The following TNKS variants were observed in gnomAD, a reference collection of about 807,000 sequenced individuals.
TNKS encodes the protein tankyrase.
TNKS carries 72 observed loss-of-function variants against 135.8 expected under a neutral mutation model. The ratio of observed to expected loss-of-function variants is 0.53; its 90% CI spans 0.44 to 0.64. The LOEUF (loss-of-function observed/expected upper bound fraction) is 0.64. Among genes scored for constraint, TNKS ranks in the 30% least tolerant of loss-of-function variants. The pLI is 0.00. For missense variants in TNKS, 1,769 were observed against 1,674.0 expected (o/e 1.06, Z -0.99); for synonymous variants, 849 against 649.3 (o/e 1.31, Z -4.68).
chr8:9,667,425 T>A (rs1237634677), intron 3 of TNKS, among the ~76,000 whole-genome samples: 1 of 152,242 alleles, frequency 6.6e-6, no homozygotes, highest in Non-Finnish European at 1.5e-5. Context: ...GCTTGGCCCC[T>A]GGATGCGTAA....
chr8:9,693,236 G>A (rs575497181), intron 5 of TNKS, among the ~76,000 whole-genome samples: 119 of 152,262 alleles, frequency 7.8e-4, no homozygotes, highest in Admixed American at 2.2e-3. Context: ...ATACTGTACA[G>A]CTCTTACAAA....
chr8:9,695,623 C>G (rs766755223), intron 5 of TNKS, among the ~76,000 whole-genome samples: 4 of 152,164 alleles, frequency 2.6e-5, no homozygotes, highest in Admixed American at 6.5e-5. Flanking sequence ...CAGGATTACT[C>G]TGCTGTCATG....
intron 3 of TNKS, among the ~76,000 whole-genome samples, chr8:9,653,997 AT>A (rs968591340): frequency 2.6e-5 from 4 of 152,188 alleles, no homozygotes; most frequent in Non-Finnish European, 2.9e-5. Flanking sequence ...GAATATGGCC[AT>A]TAGCAGCTCT....
intron 16 of TNKS, 134 bp downstream of exon 16, chr8:9,735,218 T>A: frequency 1.8e-6 from 2 of 1,117,278 alleles, no homozygotes; most frequent in Non-Finnish European, 2.5e-6. Context: ...TAGTTTTGTA[T>A]AATTTCTTAT....
intron 3 of TNKS, among the ~76,000 whole-genome samples, chr8:9,649,837 T>C (rs1801071256): frequency 6.6e-6 from 1 of 151,870 alleles, no homozygotes; most frequent in Non-Finnish European, 1.5e-5. Flanking sequence ...TAGTATTCCA[T>C]GGTGTATATA....
At chr8:9,758,327 T>A (rs1266776192) in intron 20 of TNKS, among the ~76,000 whole-genome samples, 3 of 152,182 alleles carry the variant, frequency 2.0e-5, no homozygotes, top group Non-Finnish European at 2.9e-5. Context: ...CCTTTTTGTT[T>A]TTTTTAGATT....
chr8:9,574,248 G>T lies in TNKS; in HGVS notation c.674-5911G>T, dbSNP rs549024547. Among the ~76,000 whole-genome samples the T allele has an allele frequency of 2.6e-5, 4 of 152,270 alleles. No homozygotes were observed. In the East Asian group the frequency reaches 7.7e-4, roughly 29 times the overall value. On this transcript the variant is annotated intron_variant, in intron 1 of 26. Transcript: ENST00000310430. ...CATTATATTACTTGATATAGTTGTT[G>T]CAGAAAAGCAGTTCATCGGGGTACA...
chr8:9,586,722 C>CGTGTGTGTGTGTGT (rs5889287), intron 2 of TNKS, among the ~76,000 whole-genome samples: 38 of 143,298 alleles, frequency 2.7e-4, no homozygotes, highest in African/African-American at 9.4e-4. Context: ...ATATCTAAAA[C>CGTGTGTGTGTGTGT]GTGTGTGTGT....
intron 2 of TNKS, among the ~76,000 whole-genome samples, chr8:9,585,254 A>C (rs1035771477): frequency 1.3e-5 from 2 of 152,174 alleles, no homozygotes; most frequent in South Asian, 4.1e-4. Flanking sequence ...ACAGAGACAA[A>C]TGTTGAAACA....
At chr8:9,617,786 C>G (rs963936612) in intron 3 of TNKS, among the ~76,000 whole-genome samples, 1 of 152,060 alleles carries the variant, frequency 6.6e-6, no homozygotes, top group Non-Finnish European at 1.5e-5. Flanking sequence ...ATGCCAGATG[C>G]AATTGTAGTA....
In TNKS at chr8:9,573,849, C is replaced by G. The variant is rs112971731; in HGVS notation, c.674-6310C>G. 1.2e-4 allele frequency among the ~76,000 whole-genome samples: 19 copies of G among 152,188 alleles called. No homozygotes were observed. In the East Asian group the frequency reaches 1.9e-3, roughly 15 times the overall value. ...ATAAAAACATCAGTTTAAAAATATT[C>G]CAAACACCTCAGATTTTTCTCTTTT... On this transcript the variant is annotated intron_variant, in intron 1 of 26. Transcript: ENST00000310430.
At position 9,710,120 on chromosome 8, in the gene TNKS, C is replaced by A. The variant is rs367762817; in HGVS notation, c.1671-22C>A. 4 of 1,612,984 alleles carry A rather than the reference C, an allele frequency of 2.5e-6. No individual in the cohort carries two copies. The African/African-American group carries it at 5.3e-5, about 22-fold the overall frequency. On this transcript the variant is annotated intron_variant, in intron 10 of 26. Transcript: ENST00000310430. ...AATAAAAGAGAGACAATTACCTTTT[C>A]TTTCTTTCCTCTTTTCTGTAGTTTC... is the stretch of plus-strand genomic sequence containing the variant.
intron 19 of TNKS, 49 bp downstream of exon 19, chr8:9,751,895 A>T: frequency 1.3e-6 from 2 of 1,562,370 alleles, no homozygotes; most frequent in Non-Finnish European, 1.8e-6. Context: ...TTGTTAGTGG[A>T]GCAGAATGAC....
chr8:9,604,764 G>A (rs1172982604), intron 2 of TNKS, among the ~76,000 whole-genome samples: 5 of 151,356 alleles, frequency 3.3e-5, no homozygotes, highest in African/African-American at 7.3e-5. Context: ...ATGTGTGTAT[G>A]TATATATATA....
chr8:9,576,886 T>C (rs1417349377), intron 1 of TNKS, among the ~76,000 whole-genome samples: 1 of 152,012 alleles, frequency 6.6e-6, no homozygotes, highest in Non-Finnish European at 1.5e-5. Context: ...ATACAAATAA[T>C]AACATGAAAT....
At chr8:9,765,105 T>G (rs1237847532) in intron 23 of TNKS, among the ~76,000 whole-genome samples, 1 of 152,222 alleles carries the variant, frequency 6.6e-6, no homozygotes, top group African/African-American at 2.4e-5. Flanking sequence ...ACAATAATGT[T>G]TTTTATCATT....
intron 20 of TNKS, among the ~76,000 whole-genome samples, chr8:9,753,811 C>T (rs1325994413): frequency 6.6e-6 from 1 of 152,104 alleles, no homozygotes; most frequent in South Asian, 2.1e-4. Context: ...CAAAATCTGC[C>T]CGTAGGTATA....
At chr8:9,644,267 G>C (rs539132537) in intron 3 of TNKS, among the ~76,000 whole-genome samples, 150 of 152,196 alleles carry the variant, frequency 9.9e-4, no homozygotes, top group Middle Eastern at 3.4e-3. Flanking sequence ...GATAAATTTG[G>C]GTGAGGCTCT....
intron 3 of TNKS, among the ~76,000 whole-genome samples, chr8:9,656,228 A>C (rs1801359000): frequency 6.6e-6 from 1 of 152,214 alleles, no homozygotes; most frequent in African/African-American, 2.4e-5. Flanking sequence ...TCCAAGAAAT[A>C]TGGAACTATG....
Sources: allele counts gnomAD v4.1 joint callset (sites outside exome capture counted in the v4.1 genomes callset), GRCh38; gene constraint gnomAD v4.1.1; transcripts MANE v1.5; gene names NCBI Gene and HGNC (gene_info 2026-07-23, HGNC 2026-07-21).